The following MYO9B variants were observed in gnomAD, a reference collection of about 807,000 sequenced individuals.
MYO9B encodes unconventional myosin-IXb.
MYO9B carries 71 observed loss-of-function variants against 229.5 expected under a neutral mutation model. That is an observed-to-expected ratio of 0.31 (90% CI 0.26 to 0.38). MYO9B has a LOEUF of 0.38. Ranked by LOEUF, MYO9B falls within the 10% of genes least tolerant of loss-of-function variation. The probability of loss-of-function intolerance (pLI) is 1.00; values close to 1 mark genes in which losing one functional copy is unlikely to be tolerated. For missense variants in MYO9B, 2,255 were observed against 2,920.5 expected, an observed-to-expected ratio of 0.77 and a Z score of 5.25; for synonymous variants, 1,185 against 1,235.8, an observed-to-expected ratio of 0.96 and a Z score of 0.86.
rs907457841 is a variant in MYO9B at position 17,212,876 on chromosome 19, G to A, written c.*566G>A. 6.6e-6 allele frequency: 1 copy of A among 152,348 alleles called. No individual in the cohort carries two copies. Among genetic ancestry groups the A allele is most frequent in the Non-Finnish European group, 1.5e-5 (1 of 68,142 alleles). 9.4% of individuals were successfully genotyped at this position (152,348 alleles called of 1,614,324 possible). On this transcript the variant is annotated 3_prime_UTR_variant, in exon 40 of 40. Transcript: ENST00000682292. This position sits in a 1 kb window ranked among gnomAD's most constrained non-coding sequence, Gnocchi z 5.4. ...CGTGCCTCTCTGACACATGTCTCCGGGGGGCAGCCACCTGGCCAATGTGCA... is the reference window on the plus strand; with the variant it reads ...CGTGCCTCTCTGACACATGTCTCCGAGGGGCAGCCACCTGGCCAATGTGCA...
intron 2 of MYO9B, among the ~76,000 whole-genome samples, chr19:17,102,821 C>T (rs1365879176): frequency 2.0e-5 from 3 of 150,992 alleles, no homozygotes; most frequent in Non-Finnish European, 3.0e-5. Context: ...GCAGGAGGAT[C>T]ACTTGAGCCC....
chr19:17,130,233 G>A (rs2072177300), intron 2 of MYO9B, among the ~76,000 whole-genome samples: 1 of 152,164 alleles, frequency 6.6e-6, no homozygotes, highest in South Asian at 2.1e-4. Context: ...CACTTTGGGA[G>A]GCTGAGGCGG....
intron 11 of MYO9B, among the ~76,000 whole-genome samples, chr19:17,170,998 T>C (rs1045658610): frequency 2.1e-4 from 32 of 151,746 alleles, no homozygotes; most frequent in Non-Finnish European, 4.4e-4. Context: ...ATTTTTTTTT[T>C]CTTTTTGCAC....
chr19:17,211,077 G>A (rs549816029), intron 38 of MYO9B, among the ~76,000 whole-genome samples: 37 of 135,686 alleles, frequency 2.7e-4, no homozygotes, highest in Admixed American at 1.3e-3. Context: ...TCCATCTCCC[G>A]GGTTCAAGCG....
At chr19:17,201,368 G>A (rs2073104808) in intron 26 of MYO9B, among the ~76,000 whole-genome samples, 1 of 152,062 alleles carries the variant, frequency 6.6e-6, no homozygotes, top group Admixed American at 6.5e-5. Context: ...GGGCAATCCT[G>A]CAGCAGATAG....
intron 10 of MYO9B, among the ~76,000 whole-genome samples, chr19:17,166,495 T>A (rs756520403): frequency 7.9e-5 from 12 of 152,132 alleles, no homozygotes; most frequent in Non-Finnish European, 1.2e-4. Flanking sequence ...ACTGATATAT[T>A]TATGTTTTTT....
chr19:17,153,159 T>C (rs2072497781), intron 4 of MYO9B, among the ~76,000 whole-genome samples: 3 of 96,650 alleles, frequency 3.1e-5, no homozygotes. Context: ...TGGTTGGGGT[T>C]TTTTTGGTTT....
At chr19:17,156,210 G>A (rs1486031708) in intron 6 of MYO9B, among the ~76,000 whole-genome samples, 1 of 151,990 alleles carries the variant, frequency 6.6e-6, no homozygotes, top group Non-Finnish European at 1.5e-5. Flanking sequence ...TTCTTGGTCT[G>A]GGGGCTAGTC....
At chr19:17,183,628 G>C (rs974457228) in intron 15 of MYO9B, 13 of 563,678 alleles carry the variant, frequency 2.3e-5, no homozygotes, top group South Asian at 2.3e-5. Context: ...AGGGAAACTG[G>C]TGTCCACAGA....
chr19:17,173,025 T>A (rs2072743648), intron 13 of MYO9B, 62 bp downstream of exon 13: 1 of 1,559,622 alleles, frequency 6.4e-7, no homozygotes, highest in African/African-American at 1.3e-5. Context: ...CATCCTGAGT[T>A]CATCTTAAAG....
At chr19:17,160,510 CTTT>C (rs34857957) in intron 8 of MYO9B, among the ~76,000 whole-genome samples, 18 of 128,162 alleles carry the variant, frequency 1.4e-4, no homozygotes, top group Non-Finnish European at 1.3e-4. Flanking sequence ...TCTTTTTTTT[CTTT>C]TTTTTTTTTT....
chr19:17,176,255 C>G (rs1345753346), intron 14 of MYO9B, among the ~76,000 whole-genome samples: 1 of 152,172 alleles, frequency 6.6e-6, no homozygotes, highest in African/African-American at 2.4e-5. Flanking sequence ...CCAGGATGGT[C>G]TTGATCTCCT....
intron 2 of MYO9B, among the ~76,000 whole-genome samples, chr19:17,114,083 C>T (rs963990823): frequency 3.9e-5 from 6 of 152,122 alleles, no homozygotes; most frequent in African/African-American, 1.4e-4. Flanking sequence ...CCCCTAGTCC[C>T]GACAACCAGA....
chr19:17,153,586 C>T (rs1011294149), intron 4 of MYO9B, among the ~76,000 whole-genome samples: 92 of 151,356 alleles, frequency 6.1e-4, no homozygotes, highest in African/African-American at 2.0e-3. Flanking sequence ...GTCCCAGCTA[C>T]TCAGGAGGCC....
chr19:17,140,295 T>A lies in MYO9B; in HGVS notation c.841-5102T>A, dbSNP rs564144097. Among the ~76,000 whole-genome samples, 39 of 152,240 alleles carry A rather than the reference T, an allele frequency of 2.6e-4. No homozygotes were observed. In the Middle Eastern group the frequency reaches 0.014, roughly 53 times the overall value. On this transcript the variant is annotated intron_variant, in intron 2 of 39. Coordinates refer to ENST00000682292, the MANE Select transcript of MYO9B (RefSeq NM_004145.4). ...GTTCAAGGTCAAGGCTCTGGCAGAT[T>A]TGGTGTCAGGTGAAGGCCCTCTTCT...
At chr19:17,209,555 A>T in intron 35 of MYO9B, 31 bp from the exon 36 acceptor site, 1 of 1,563,810 alleles carries the variant, frequency 6.4e-7, no homozygotes, top group Non-Finnish European at 8.7e-7. Flanking sequence ...GCGGTAACTG[A>T]GTCACTTCCT....
chr19:17,158,037 G>A (rs1173173184), intron 7 of MYO9B, among the ~76,000 whole-genome samples: 1 of 152,194 alleles, frequency 6.6e-6, no homozygotes, highest in Non-Finnish European at 1.5e-5. Flanking sequence ...ACTCTGGGTT[G>A]CTCCTGGCAT....
chr19:17,101,933 A>C lies in MYO9B; in HGVS notation c.216A>C (p.Gly72=). The part of the protein sequence containing the change: ...CYVLVEVKES[G]GEEWVLDAND... ...TGCTGGTGGAGGTCAAAGAGTCGGG[A>C]GGCGAGGAATGGGTGCTGGACGCCA... Residue 72 remains glycine (G), a synonymous_variant, in exon 2 of 40, where the codon GGA becomes GGC. Transcript: ENST00000682292. The surrounding 1 kb of genome is among the most constrained non-coding windows in gnomAD (Gnocchi z 4.7). 1 of 1,613,592 alleles carries C rather than the reference A, an allele frequency of 6.2e-7. No homozygotes were observed. Among genetic ancestry groups the C allele is most frequent in the Non-Finnish European group, 8.5e-7 (1 of 1,179,850 alleles).
intron 2 of MYO9B, among the ~76,000 whole-genome samples, chr19:17,121,964 C>T (rs1037187821): frequency 3.3e-5 from 5 of 149,852 alleles, no homozygotes; most frequent in South Asian, 2.1e-4. Flanking sequence ...CCAGCCTGGG[C>T]GACAGGAATG....
Sources: gnomAD v4.1 joint callset for allele counts (sites outside exome capture counted in the v4.1 genomes callset) on GRCh38, gnomAD v4.1.1 for gene constraint, Gnocchi (gnomAD v3.1) non-coding constraint, MANE v1.5 for transcripts, NCBI Gene and HGNC (gene_info 2026-07-23, HGNC 2026-07-21) for gene names.